Variants in LANCL3 observed in about 807,000 individuals in gnomAD.
The protein encoded by LANCL3 is lanC-like protein 3.
Under a neutral mutation model 26.5 loss-of-function variants are expected in LANCL3, and 19 were observed. The ratio of observed to expected loss-of-function variants is 0.72; its 90% CI spans 0.50 to 1.05. The LOEUF is 1.05. LANCL3 is among the 50% of genes least tolerant of loss of function. The pLI, the probability that LANCL3 is intolerant of heterozygous loss-of-function variation, is 0.00. For missense variants in LANCL3, 318 were observed against 362.7 expected, an observed-to-expected ratio of 0.88 and a Z score of 1.00; for synonymous variants, 160 against 166.6, an observed-to-expected ratio of 0.96 and a Z score of 0.30.
At chrX:37,654,502 C>T (rs1462996901) in intron 1 of LANCL3, among the ~76,000 whole-genome samples, 3 of 111,940 alleles carry the variant, frequency 2.7e-5, no homozygotes, top group African/African-American at 9.7e-5. Flanking sequence ...GCAGGTCTAC[C>T]TTTTGGGAAG....
chrX:37,572,524 C>A, intron 1 of LANCL3, 81 bp downstream of exon 1: 1 of 863,538 alleles, frequency 1.2e-6, no homozygotes, highest in Non-Finnish European at 1.6e-6. Flanking sequence ...TCGGGCAGCA[C>A]TGTCCCGAGT....
chrX:37,628,151 A>G lies in LANCL3; in HGVS notation c.574-27537A>G, dbSNP rs138215361. ...GGCAATAGAAATTCAACTTGAAATA[A>G]CATAATTTTAAAAGAGGGGGCACCA... On this transcript the variant is annotated intron_variant, in intron 1 of 4. Transcript: ENST00000378619. Among the ~76,000 whole-genome samples the G allele has an allele frequency of 3.9e-3, 440 of 111,679 alleles. 1 individual carries two copies. Among genetic ancestry groups the G allele is most frequent in the African/African-American group, 0.014 (416 of 30,716 alleles).
rs1163263755 is a variant in LANCL3 at position 37,609,291 on chromosome X, G to A, written c.573+36848G>A. On this transcript the variant is annotated intron_variant, in intron 1 of 4. Transcript: ENST00000378619. ...AGAGAAGGAAAAAATATTCCTTGTT[G>A]ATCTGGAGGCTAAACTAAGGTTTTG... 4.5e-5 allele frequency among the ~76,000 whole-genome samples: 5 copies of A among 111,589 alleles called. No homozygotes were observed. In the East Asian group the frequency reaches 1.4e-3, roughly 31 times the overall value.
intron 1 of LANCL3, among the ~76,000 whole-genome samples, chrX:37,646,975 C>G (rs1926001018): frequency 8.9e-6 from 1 of 111,811 alleles, no homozygotes; most frequent in Admixed American, 9.5e-5. Context: ...TTATTCGGAA[C>G]TATCCTTCAA....
At chrX:37,648,959 T>C (rs1556427895) in intron 1 of LANCL3, among the ~76,000 whole-genome samples, 1 of 111,997 alleles carries the variant, frequency 8.9e-6, no homozygotes, top group Non-Finnish European at 1.9e-5. Context: ...AAACAATAGA[T>C]GCTGGTGAGG....
rs782284293 is a variant in LANCL3 at position 37,684,435 on chromosome X, T to G, written c.*8622T>G. 1 of 113,021 alleles carries G rather than the reference T, an allele frequency of 8.8e-6. No homozygotes were observed. The highest frequency in any genetic ancestry group is 9.3e-5 in the Admixed American group (1 of 10,731). 9.3% of individuals were successfully genotyped at this position (113,021 alleles called of 1,213,427 possible). Reference sequence around the variant, plus strand: ...TAATGTAAAACCTGTGATAATCCTTTGCCTTAAAATAAAATCTAATGCTAA... The same window carrying G: ...TAATGTAAAACCTGTGATAATCCTTGGCCTTAAAATAAAATCTAATGCTAA... On this transcript the variant is annotated 3_prime_UTR_variant, in exon 5 of 5. Coordinates refer to ENST00000378619, the MANE Select transcript of LANCL3 (RefSeq NM_001170331.2).
At chrX:37,627,065 A>T (rs1351064316) in intron 1 of LANCL3, among the ~76,000 whole-genome samples, 1 of 111,865 alleles carries the variant, frequency 8.9e-6, no homozygotes, top group Non-Finnish European at 1.9e-5. Context: ...CTATAGAAAA[A>T]ATGAGGATGG....
At chrX:37,667,205 T>G in intron 3 of LANCL3, 77 bp from the exon 4 acceptor site, 1 of 618,291 alleles carries the variant, frequency 1.6e-6, no homozygotes. Flanking sequence ...ATTCATGAGC[T>G]TTTTATTGTT....
chrX:37,579,682 A>G (rs1288203470), intron 1 of LANCL3, among the ~76,000 whole-genome samples: 2 of 112,100 alleles, frequency 1.8e-5, no homozygotes, highest in African/African-American at 6.5e-5. Flanking sequence ...TAAAATGCAT[A>G]TATACATATA....
At chrX:37,639,215 GTA>G (rs1335413662) in intron 1 of LANCL3, among the ~76,000 whole-genome samples, 8 of 98,306 alleles carry the variant, frequency 8.1e-5, no homozygotes, top group South Asian at 5.5e-4. Context: ...ATACATGTAT[GTA>G]TATATATGTA....
chrX:37,667,148 C>T (rs1416017804), intron 3 of LANCL3, 134 bp from the exon 4 acceptor site: 6 of 324,384 alleles, frequency 1.8e-5, no homozygotes, highest in Non-Finnish European at 3.1e-5. Flanking sequence ...TCAGGGCCCA[C>T]ATCAGAACTA....
At chrX:37,590,212 C>T (rs1278704431) in intron 1 of LANCL3, among the ~76,000 whole-genome samples, 2 of 112,296 alleles carry the variant, frequency 1.8e-5, no homozygotes, top group East Asian at 2.8e-4. Flanking sequence ...ATTTTTTGCT[C>T]TTAAGTTCTC....
chrX:37,582,755 A>G (rs1276085915), intron 1 of LANCL3, among the ~76,000 whole-genome samples: 1 of 111,542 alleles, frequency 9.0e-6, no homozygotes, highest in African/African-American at 3.3e-5. Flanking sequence ...ATTTTCTCTT[A>G]TTCTGTAGGT....
intron 1 of LANCL3, among the ~76,000 whole-genome samples, chrX:37,582,433 C>T (rs1284215246): frequency 8.9e-6 from 1 of 111,965 alleles, no homozygotes; most frequent in Non-Finnish European, 1.9e-5. Context: ...CCCACATGCT[C>T]TCCAGCACCT....
chrX:37,586,326 G>C (rs1924079575), intron 1 of LANCL3, among the ~76,000 whole-genome samples: 1 of 111,296 alleles, frequency 9.0e-6, no homozygotes, highest in African/African-American at 3.3e-5. Flanking sequence ...TGCATTTCCT[G>C]AATTTGAATG....
At chrX:37,641,182 T>C (rs1925851627) in intron 1 of LANCL3, among the ~76,000 whole-genome samples, 2 of 111,195 alleles carry the variant, frequency 1.8e-5, no homozygotes, top group South Asian at 7.5e-4. Context: ...ACAAAACTGC[T>C]GCTTTGGACA....
chrX:37,665,438 A>G (rs1410012387), intron 3 of LANCL3, among the ~76,000 whole-genome samples: 1 of 111,914 alleles, frequency 8.9e-6, no homozygotes, highest in African/African-American at 3.3e-5. Context: ...CAAAGTTCTG[A>G]AAAAGTGCTC....
At chrX:37,651,964 C>T (rs1926158213) in intron 1 of LANCL3, among the ~76,000 whole-genome samples, 1 of 107,435 alleles carries the variant, frequency 9.3e-6, no homozygotes, top group African/African-American at 3.7e-5. Flanking sequence ...CTGTTGACCT[C>T]AGTTTATGCA....
rs200431355 is a variant in LANCL3 at position 37,627,450 on chromosome X, CAG to C, written c.574-28237_574-28236del. Among the ~76,000 whole-genome samples, 469 of 111,340 alleles carry C rather than the reference CAG, an allele frequency of 4.2e-3. 4 individuals are homozygous for C. Among genetic ancestry groups the C allele is most frequent in the African/African-American group, 0.015 (451 of 30,634 alleles). The stretch of plus-strand genomic sequence containing the variant: ...CCTCCAGTCCTGCCATAGCCAAAAA[CAG>C]TGTTCTCCTACAGCTTTGAAACTCA... On this transcript the variant is annotated intron_variant, in intron 1 of 4. Coordinates refer to ENST00000378619, the MANE Select transcript of LANCL3 (RefSeq NM_001170331.2).
Sources: allele counts gnomAD v4.1 joint callset (sites outside exome capture counted in the v4.1 genomes callset), GRCh38; gene constraint gnomAD v4.1.1; transcripts MANE v1.5; gene names NCBI Gene and HGNC (gene_info 2026-07-23, HGNC 2026-07-21).